The following SUPT3H variants were observed in gnomAD, a reference collection of about 807,000 sequenced individuals.
SUPT3H encodes the protein transcription initiation protein SPT3 homolog.
In SUPT3H, 44 loss-of-function variants were observed where a neutral mutation model predicts 44.3. The ratio of observed to expected loss-of-function variants is 0.99; its 90% CI spans 0.78 to 1.28. The LOEUF is 1.28. Among genes scored for constraint, SUPT3H ranks in the 50% most tolerant of loss-of-function variants. The probability of loss-of-function intolerance (pLI) is 0.00; values close to 1 mark genes in which losing one functional copy is unlikely to be tolerated. For synonymous variants in SUPT3H, 124 were observed against 125.6 expected (o/e 0.99, Z 0.09); for missense variants, 380 against 387.1 (o/e 0.98, Z 0.15).
At chr6:44,915,843 T>C (rs569991870) in intron 10 of SUPT3H, among the ~76,000 whole-genome samples, 6 of 152,280 alleles carry the variant, frequency 3.9e-5, no homozygotes, top group African/African-American at 1.4e-4. Flanking sequence ...ATGTACTTGA[T>C]TGATGTCTCA....
At position 44,968,345 on chromosome 6, in the gene SUPT3H, T is replaced by C. The variant is rs536260967; in HGVS notation, c.505-6517A>G. Among the ~76,000 whole-genome samples the C allele has an allele frequency of 1.6e-4, 25 of 152,270 alleles. No homozygotes were observed. The South Asian group carries it at 5.2e-3, about 32-fold the overall frequency. On this transcript the variant is annotated intron_variant, in intron 6 of 10. Transcript: ENST00000371459. ...TTTATATATGTATAACGTGGTCCAC[T>C]TGCAGAAGGATAATATTAACAAGTC...
At chr6:45,248,525 T>C (rs1771777681) in intron 2 of SUPT3H, among the ~76,000 whole-genome samples, 1 of 151,750 alleles carries the variant, frequency 6.6e-6, no homozygotes, top group Non-Finnish European at 1.5e-5. Flanking sequence ...CAAAAGAAAA[T>C]CATAGTATGA....
chr6:45,210,315 T>C (rs1763882339), intron 2 of SUPT3H, among the ~76,000 whole-genome samples: 1 of 152,160 alleles, frequency 6.6e-6, no homozygotes, highest in Admixed American at 6.5e-5. Flanking sequence ...GAACTCAAAG[T>C]CATACTTCTG....
intron 2 of SUPT3H, among the ~76,000 whole-genome samples, chr6:45,152,043 C>T (rs906787018): frequency 6.6e-6 from 1 of 152,222 alleles, no homozygotes; most frequent in Admixed American, 6.5e-5. Flanking sequence ...AGTCCCAAAT[C>T]TTTAAATACC....
chr6:45,154,113 C>T (rs1254918963), intron 2 of SUPT3H, among the ~76,000 whole-genome samples: 1 of 140,560 alleles, frequency 7.1e-6, no homozygotes, highest in African/African-American at 2.6e-5. Context: ...TATGTTAGAA[C>T]TAATTTCAAA....
rs143855535 is a variant in SUPT3H, at chr6:45,130,759, C to A, written c.102-24753G>T. Among the ~76,000 whole-genome samples, 250 of 144,556 alleles carry A rather than the reference C, an allele frequency of 1.7e-3. 4 individuals are homozygous for A. Among genetic ancestry groups the A allele is most frequent in the African/African-American group, 6.2e-3 (241 of 38,954 alleles). 94.8% of individuals were successfully genotyped at this position (144,556 alleles called of 152,430 possible). ...TCAGATGGAGTTTTACTCTTGTTGC[C>A]CAGGCTGGAGGGCAATGGCATGATC... is the stretch of plus-strand genomic sequence containing the variant. On this transcript the variant is annotated intron_variant, in intron 2 of 10. Transcript: ENST00000371459.
intron 2 of SUPT3H, among the ~76,000 whole-genome samples, chr6:45,131,055 G>A (rs1002689183): frequency 6.6e-6 from 1 of 152,004 alleles, no homozygotes; most frequent in Non-Finnish European, 1.5e-5. Flanking sequence ...CAGAGGACTA[G>A]GACTCAAGGA....
intron 3 of SUPT3H, among the ~76,000 whole-genome samples, chr6:45,062,710 G>A (rs1792358917): frequency 1.3e-5 from 2 of 152,154 alleles, no homozygotes; most frequent in African/African-American, 4.8e-5. Flanking sequence ...GGACGCACCT[G>A]GAAAATCGGG....
intron 2 of SUPT3H, chr6:45,158,995 A>G (rs1350890545): frequency 6.6e-6 from 1 of 152,194 alleles, no homozygotes; most frequent in Non-Finnish European, 1.5e-5. Context: ...TCACTGCTGC[A>G]TTCTAAAATC....
intron 2 of SUPT3H, among the ~76,000 whole-genome samples, chr6:45,154,927 C>T (rs1023814951): frequency 2.6e-5 from 4 of 152,074 alleles, no homozygotes; most frequent in African/African-American, 9.7e-5. Context: ...TCTGTACCTA[C>T]GTGCCTGATA....
At chr6:45,061,812 T>C (rs538484315) in intron 3 of SUPT3H, among the ~76,000 whole-genome samples, 2 of 151,530 alleles carry the variant, frequency 1.3e-5, no homozygotes, top group South Asian at 4.2e-4. Context: ...TCTTTGAAAA[T>C]GATACCATTG....
At chr6:44,812,678 G>A (rs941055436) in intron 11 of SUPT3H, among the ~76,000 whole-genome samples, 1 of 152,190 alleles carries the variant, frequency 6.6e-6, no homozygotes, top group African/African-American at 2.4e-5. Flanking sequence ...GGACTTGAGA[G>A]AATAAGATAA....
At chr6:45,338,344 T>C (rs1789026174) in intron 2 of SUPT3H, among the ~76,000 whole-genome samples, 1 of 147,680 alleles carries the variant, frequency 6.8e-6, no homozygotes, top group Non-Finnish European at 1.5e-5. Context: ...GTAGCTCTCA[T>C]AAAAAAAAAA....
intron 2 of SUPT3H, among the ~76,000 whole-genome samples, chr6:45,292,016 A>G (rs1293322456): frequency 2.0e-5 from 3 of 152,228 alleles, no homozygotes. Flanking sequence ...GATGAAGGAA[A>G]GAATTTTAAG....
intron 9 of SUPT3H, 45 bp from the exon 10 acceptor site, chr6:44,932,808 C>A: frequency 7.7e-7 from 1 of 1,300,730 alleles, no homozygotes; most frequent in Non-Finnish European, 1.1e-6. Flanking sequence ...CAAAAACACG[C>A]AACAGAACTA....
intron 2 of SUPT3H, among the ~76,000 whole-genome samples, chr6:45,210,404 A>C (rs1763902480): frequency 6.6e-6 from 1 of 152,176 alleles, no homozygotes; most frequent in Admixed American, 6.5e-5. Context: ...ATAAGTGACT[A>C]TTCCTCTACC....
intron 10 of SUPT3H, among the ~76,000 whole-genome samples, chr6:44,927,865 T>C (rs1473864991): frequency 6.6e-6 from 1 of 152,214 alleles, no homozygotes; most frequent in Non-Finnish European, 1.5e-5. Context: ...GCTCGGTGTG[T>C]ACATATGTGT....
intron 2 of SUPT3H, among the ~76,000 whole-genome samples, chr6:45,196,426 C>T (rs1260008148): frequency 1.3e-5 from 2 of 151,978 alleles, no homozygotes; most frequent in African/African-American, 4.8e-5. Context: ...GACAGCCCTG[C>T]CATATTTCTT....
At chr6:44,967,099 A>G (rs1776882537) in intron 6 of SUPT3H, among the ~76,000 whole-genome samples, 2 of 152,274 alleles carry the variant, frequency 1.3e-5, no homozygotes, top group South Asian at 4.1e-4. Flanking sequence ...AAATCTTACT[A>G]GTATTACAAT....
Sources: allele counts gnomAD v4.1 joint callset (sites outside exome capture counted in the v4.1 genomes callset), GRCh38; gene constraint gnomAD v4.1.1; transcripts MANE v1.5; gene names NCBI Gene and HGNC (gene_info 2026-07-23, HGNC 2026-07-21).